The following WDPCP variants were observed in gnomAD, a reference collection of about 807,000 sequenced individuals.
WDPCP encodes the protein WD repeat-containing and planar cell polarity effector protein fritz homolog.
A neutral mutation model predicts 93.1 loss-of-function variants in WDPCP; 71 were observed. The observed-to-expected ratio is 0.76, with a 90% CI of 0.63 to 0.93. The LOEUF (loss-of-function observed/expected upper bound fraction) is 0.93. Among genes scored for constraint, WDPCP ranks in the 40% least tolerant of loss-of-function variants. The pLI is 0.00. For synonymous variants in WDPCP, 315 were observed against 315.0 expected (o/e 1.00, Z 0.00); for missense variants, 844 against 887.4 (o/e 0.95, Z 0.62).
At chr2:63,188,910 T>A (rs1674832748) in intron 14 of WDPCP, among the ~76,000 whole-genome samples, 1 of 152,192 alleles carries the variant, frequency 6.6e-6, no homozygotes, top group African/African-American at 2.4e-5. Context: ...ACAGCCACCT[T>A]TCTCAATCTT....
intron 2 of WDPCP, among the ~76,000 whole-genome samples, chr2:63,764,549 C>T (rs541508807): frequency 2.6e-5 from 4 of 152,098 alleles, no homozygotes; most frequent in Admixed American, 6.5e-5. Context: ...TCAAACACCA[C>T]GCAAAGAGTA....
At chr2:63,822,219 G>T (rs1441479933) in intron 1 of WDPCP, among the ~76,000 whole-genome samples, 1 of 151,954 alleles carries the variant, frequency 6.6e-6, no homozygotes, top group South Asian at 2.1e-4. Flanking sequence ...CTAATATTGA[G>T]TCAAACACTG....
At chr2:63,540,276 A>C (rs1195799315) in intron 1 of WDPCP, among the ~76,000 whole-genome samples, 1 of 152,260 alleles carries the variant, frequency 6.6e-6, no homozygotes, top group East Asian at 1.9e-4. Context: ...ATAAAGTCAG[A>C]GTATAAACAA....
chr2:63,158,735 T>C (rs1186983224), intron 15 of WDPCP, among the ~76,000 whole-genome samples: 5 of 152,024 alleles, frequency 3.3e-5, no homozygotes, highest in Admixed American at 3.3e-4. Context: ...TAAAAAAATA[T>C]GTTTTCTTTG....
chr2:63,242,724 G>A lies in WDPCP; in HGVS notation c.1915+16583C>T, dbSNP rs1679956740. Among the ~76,000 whole-genome samples, 2 of 152,162 alleles carry A rather than the reference G, an allele frequency of 1.3e-5. 1 individual carries two copies. The highest frequency in any genetic ancestry group is 2.9e-5 in the Non-Finnish European group (2 of 68,018). Reference sequence around the variant, plus strand: ...TTTACAGTAACTGGTGTTTTGCTGGGTGCATAATCACCCCAGACTTTCTTA... The same window carrying A: ...TTTACAGTAACTGGTGTTTTGCTGGATGCATAATCACCCCAGACTTTCTTA... On this transcript the variant is annotated intron_variant, in intron 14 of 17. Transcript: ENST00000272321.
chr2:63,724,532 T>TA (rs1018577917), intron 2 of WDPCP, among the ~76,000 whole-genome samples: 6 of 152,130 alleles, frequency 3.9e-5, no homozygotes, highest in Admixed American at 3.9e-4. Context: ...ATATCACTAA[T>TA]AAAATCACAC....
intron 17 of WDPCP, among the ~76,000 whole-genome samples, chr2:63,138,753 A>G (rs972502514): frequency 8.5e-5 from 13 of 152,086 alleles, no homozygotes; most frequent in African/African-American, 1.2e-4. Flanking sequence ...TGCCCGGCAC[A>G]TGAGTAAGTT....
intron 4 of WDPCP, 55 bp downstream of exon 4, chr2:63,486,487 T>C: frequency 1.4e-6 from 2 of 1,469,838 alleles, no homozygotes; most frequent in South Asian, 1.3e-5. Context: ...GAATATTTTA[T>C]AATACTGAAC....
At chr2:63,486,263 A>T (rs1273062629) in intron 4 of WDPCP, among the ~76,000 whole-genome samples, 9 of 151,894 alleles carry the variant, frequency 5.9e-5, no homozygotes, top group Admixed American at 5.3e-4. Flanking sequence ...ATCAGAATTT[A>T]AGCTTGGTAT....
upstream of WDPCP, among the ~76,000 whole-genome samples, chr2:63,831,371 A>T (rs1671191830): frequency 6.6e-6 from 1 of 152,102 alleles, no homozygotes; most frequent in East Asian, 1.9e-4. Flanking sequence ...CCTCTCTCCT[A>T]GAATACACAA....
At chr2:63,365,848 T>C (rs951398785) in intron 12 of WDPCP, among the ~76,000 whole-genome samples, 3 of 152,210 alleles carry the variant, frequency 2.0e-5, no homozygotes, top group Non-Finnish European at 4.4e-5. Context: ...GTAAATATTA[T>C]TGGATGTCTC....
intron 2 of WDPCP, among the ~76,000 whole-genome samples, chr2:63,809,566 A>G (rs1215602310): frequency 6.6e-6 from 1 of 152,226 alleles, no homozygotes; most frequent in Admixed American, 6.5e-5. Flanking sequence ...GTTCTGTACC[A>G]AGAAAAATTC....
In WDPCP at chr2:63,455,233, T is replaced by C. The variant is rs144674506; in HGVS notation, c.385-15362A>G. Among the ~76,000 whole-genome samples, 163 of 151,968 alleles carry C rather than the reference T, an allele frequency of 1.1e-3. 1 individual carries two copies. Among genetic ancestry groups the C allele is most frequent in the African/African-American group, 3.8e-3 (158 of 41,460 alleles). On this transcript the variant is annotated intron_variant, in intron 6 of 17. Transcript: ENST00000272321. ...GAAAAAAACAAAGGAACAAAGACTA[T>C]ACAAAGCAACCTAAAGACAATTAAC...
intron 2 of WDPCP, among the ~76,000 whole-genome samples, chr2:63,739,233 A>T (rs1669681448): frequency 6.6e-6 from 1 of 151,992 alleles, no homozygotes; most frequent in Admixed American, 6.6e-5. Context: ...TGCATTGATA[A>T]GTTCTTATCA....
chr2:63,480,090 A>G (rs1180230114), intron 6 of WDPCP, among the ~76,000 whole-genome samples: 2 of 152,232 alleles, frequency 1.3e-5, no homozygotes, highest in South Asian at 2.1e-4. Flanking sequence ...CAGTAGCCCA[A>G]CAGCTACCAA....
At chr2:63,740,990 G>T (rs1669704104) in intron 2 of WDPCP, among the ~76,000 whole-genome samples, 1 of 152,046 alleles carries the variant, frequency 6.6e-6, no homozygotes, top group African/African-American at 2.4e-5. Flanking sequence ...TGATGATTTT[G>T]GTATTAACCA....
rs143704035 is a variant in WDPCP at position 63,550,717 on chromosome 2, A to G, written c.75+37480T>C. Among the ~76,000 whole-genome samples the G allele has an allele frequency of 1.5e-3, 227 of 151,248 alleles. No homozygotes were observed. In the Middle Eastern group the frequency reaches 0.017, roughly 12 times the overall value. ...CACATACATATACATATATGTGTGTATATATATACATATATATGTGCATAT... is the reference window on the plus strand; with the variant it reads ...CACATACATATACATATATGTGTGTGTATATATACATATATATGTGCATAT... On this transcript the variant is annotated intron_variant, in intron 1 of 17. Coordinates refer to ENST00000272321, the MANE Select transcript of WDPCP (RefSeq NM_015910.7).
At chr2:63,388,428 A>G (rs1477419598) in intron 10 of WDPCP, among the ~76,000 whole-genome samples, 1 of 152,232 alleles carries the variant, frequency 6.6e-6, no homozygotes, top group African/African-American at 2.4e-5. Context: ...AGATAAAACC[A>G]CAGAGATGAG....
intron 6 of WDPCP, among the ~76,000 whole-genome samples, chr2:63,469,868 T>C (rs1699592477): frequency 6.6e-6 from 1 of 152,288 alleles, no homozygotes; most frequent in South Asian, 2.1e-4. Flanking sequence ...TTTTAAAAAA[T>C]ACTTTCCAAT....
Sources: allele counts gnomAD v4.1 joint callset (sites outside exome capture counted in the v4.1 genomes callset), GRCh38; gene constraint gnomAD v4.1.1; transcripts MANE v1.5; gene names NCBI Gene and HGNC (gene_info 2026-07-23, HGNC 2026-07-21).